The following GIPR variants were observed in gnomAD, a reference collection of about 807,000 sequenced individuals.
The protein encoded by GIPR is GIP-R.
A neutral mutation model predicts 62.2 loss-of-function variants in GIPR; 74 were observed. The ratio of observed to expected loss-of-function variants is 1.19; its 90% CI spans 0.99 to 1.44. GIPR has a LOEUF of 1.44. Ranked by LOEUF, GIPR falls within the 40% of genes most tolerant of loss-of-function variation. The pLI is 0.00. For synonymous variants in GIPR, 256 were observed against 262.2 expected (o/e 0.98, Z 0.23); for missense variants, 664 against 611.8 (o/e 1.09, Z -0.90).
intron 3 of GIPR, 110 bp from the exon 4 acceptor site, chr19:45,671,175 C>A (rs1019464995): frequency 1.3e-6 from 1 of 753,104 alleles, no homozygotes; most frequent in Non-Finnish European, 2.4e-6. Context: ...GTGTGGCCGG[C>A]GGAGAAGCAC....
rs754923594 is a variant in GIPR at position 45,677,358 on chromosome 19, G to C, written c.829G>C (p.Val277Leu). The C allele has an allele frequency of 1.9e-6, 3 of 1,601,902 alleles. No homozygotes were observed. The highest frequency in any genetic ancestry group is 2.6e-6 in the Non-Finnish European group (3 of 1,171,762). Residue 277 changes from valine to leucine, a missense_variant, in exon 9 of 14, where the codon GTC (valine) becomes CTC (leucine). Val to Leu is a conservative substitution (Grantham distance 32). Coordinates refer to ENST00000590918, the MANE Select transcript of GIPR (RefSeq NM_000164.4). ...PALFVIPWVIVRYLYENTQCW... is the reference protein window; with the variant it reads ...PALFVIPWVILRYLYENTQCW... Reference sequence around the variant, plus strand: ...GCTTTTCGTCATTCCCTGGGTGATCGTCAGGTACCTGTACGAGAACACGCA... The same window carrying C: ...GCTTTTCGTCATTCCCTGGGTGATCCTCAGGTACCTGTACGAGAACACGCA...
At chr19:45,674,475 G>A in intron 6 of GIPR, 1 of 635,872 alleles carries the variant, frequency 1.6e-6, no homozygotes, top group Non-Finnish European at 2.8e-6. Flanking sequence ...CATACTGGTG[G>A]TGCACCTGTG....
chr19:45,678,266 G>A (rs1302631390), intron 12 of GIPR, 40 bp downstream of exon 12: 1 of 1,542,646 alleles, frequency 6.5e-7, no homozygotes, highest in African/African-American at 1.4e-5. Flanking sequence ...CTTCCACCCA[G>A]GGCCTCCTCC....
At position 45,670,726 on chromosome 19, in the gene GIPR, C is replaced by A; in HGVS notation, c.164C>A (p.Pro55Gln). The change falls in exon 3 of 14, where the codon CCG becomes CAG. Residue 55 changes from proline to glutamine, a missense_variant. Coordinates refer to ENST00000590918, the MANE Select transcript of GIPR (RefSeq NM_000164.4). ...ECQETLAAAE[P>Q]PSGLACNGSF... ...CAGGAGACCTTGGCAGCCGCGGAACCGCCTTCAGGTGTGACCAGGAGGGCT... is the reference window on the plus strand; with the variant it reads ...CAGGAGACCTTGGCAGCCGCGGAACAGCCTTCAGGTGTGACCAGGAGGGCT... 6.2e-7 allele frequency: 1 copy of A among 1,601,924 alleles called. No individual in the cohort carries two copies. Among genetic ancestry groups the A allele is most frequent in the South Asian group, 1.1e-5 (1 of 89,324 alleles).
In GIPR at chr19:45,674,081, G is replaced by T. The variant is rs1568520474; in HGVS notation, c.392G>T (p.Arg131Met). Residue 131 changes from arginine to methionine, a missense_variant, in exon 6 of 14, where the codon AGG becomes ATG. Physicochemically the swap from Arg to Met is moderately conservative, Grantham distance 91. Transcript: ENST00000590918. ...PEKNEAFLDQ[R>M]LILERLQVMY... ...CCTTCTTGCCCCGACCAGGACCAAA[G>T]GCTCATCTTGGAGCGGTTGCAGGTC... is the stretch of plus-strand genomic sequence containing the variant. The T allele has an allele frequency of 3.7e-6, 6 of 1,608,072 alleles. No individual in the cohort carries two copies. The highest frequency in any genetic ancestry group is 5.1e-6 in the Non-Finnish European group (6 of 1,174,534).
chr19:45,677,696 T>C lies in GIPR; in HGVS notation c.855-14T>C, dbSNP rs1967022898. 2 of 1,607,670 alleles carry C rather than the reference T, an allele frequency of 1.2e-6. No individual in the cohort carries two copies. Among genetic ancestry groups the C allele is most frequent in the Non-Finnish European group, 1.7e-6 (2 of 1,174,180 alleles). On this transcript the variant is annotated splice_polypyrimidine_tract_variant and intron_variant, in intron 9 of 13. Transcript: ENST00000590918. Reference sequence around the variant, plus strand: ...GAGTTTTTCTATCTCTTAGCTCTACTCCGCCTTCCCCAGGTGCTGGGAGCG... The same window carrying C: ...GAGTTTTTCTATCTCTTAGCTCTACCCCGCCTTCCCCAGGTGCTGGGAGCG...
intron 4 of GIPR, 189 bp from the exon 5 acceptor site, chr19:45,672,662 T>A: frequency 1.7e-6 from 1 of 591,134 alleles, no homozygotes; most frequent in Non-Finnish European, 3.1e-6. Flanking sequence ...ATATTACTAA[T>A]TCCATGGGCT....
At chr19:45,670,475 C>G in intron 2 of GIPR, 160 bp from the exon 3 acceptor site, 3 of 555,294 alleles carry the variant, frequency 5.4e-6, no homozygotes, top group Middle Eastern at 5.9e-4. Flanking sequence ...TCCAGGCACC[C>G]CACCCCAAGA....
chr19:45,675,237 G>A (rs764132481), intron 7 of GIPR: 18 of 245,036 alleles, frequency 7.3e-5, no homozygotes, highest in Non-Finnish European at 1.0e-4. Context: ...GGGAGCAGAC[G>A]TGGTAAGAAC....
chr19:45,677,877 G>T, intron 10 of GIPR, 29 bp from the exon 11 acceptor site: 1 of 1,607,936 alleles, frequency 6.2e-7, no homozygotes, highest in Non-Finnish European at 8.5e-7. Context: ...TGGGATCGCG[G>T]CTGGCTCAGC....
At position 45,682,703 on chromosome 19, in the gene GIPR, T is replaced by C. The variant is rs1003326638; in HGVS notation, c.*768T>C. On this transcript the variant is annotated 3_prime_UTR_variant, in exon 14 of 14. Transcript: ENST00000590918. ...GGATTACAGGCACCGCCACCATGCC[T>C]GGCTAATTTTTGCATTTTCAGTAGA... The C allele has an allele frequency of 1.3e-5, 2 of 151,854 alleles. No homozygotes were observed. The highest frequency in any genetic ancestry group is 4.8e-5 in the African/African-American group (2 of 41,278). The allele number at this position is 151,854 out of a possible 1,614,324, so 9.4% of individuals were successfully genotyped here.
chr19:45,677,465 C>A, intron 9 of GIPR, 82 bp downstream of exon 9: 1 of 1,045,744 alleles, frequency 9.6e-7, no homozygotes, highest in Non-Finnish European at 1.5e-6. Context: ...GACATGTGGG[C>A]AGGGTCGGAA....
rs1036040062 is a variant in GIPR at position 45,682,052 on chromosome 19, G to C, written c.*117G>C. 1 of 876,484 alleles carries C rather than the reference G, an allele frequency of 1.1e-6. No individual in the cohort carries two copies. The highest frequency in any genetic ancestry group is 1.7e-5 in the African/African-American group (1 of 59,254). 54.3% of individuals were successfully genotyped at this position (876,484 alleles called of 1,614,324 possible). On this transcript the variant is annotated 3_prime_UTR_variant, in exon 14 of 14. Coordinates refer to ENST00000590918, the MANE Select transcript of GIPR (RefSeq NM_000164.4). The stretch of plus-strand genomic sequence containing the variant: ...TGAAGGAAACAGAAAAAAGGTCCCT[G>C]CCCTTCTGGAGATGACAACTGAGTG...
At chr19:45,678,899 G>A (rs193282716) in intron 12 of GIPR, among the ~76,000 whole-genome samples, 21 of 152,278 alleles carry the variant, frequency 1.4e-4, no homozygotes, top group African/African-American at 4.8e-4. Flanking sequence ...AGGTGCCAAC[G>A]TGCAGAATCT....
chr19:45,680,192 T>C (rs917269717), intron 12 of GIPR, among the ~76,000 whole-genome samples: 2 of 152,120 alleles, frequency 1.3e-5, no homozygotes, highest in Non-Finnish European at 2.9e-5. Context: ...AGAAACCCTG[T>C]CTCTACTTAA....
rs1568531741 is a variant in GIPR at position 45,683,423 on chromosome 19, GGGAGAATGAGGGGGCATGCTGACA to G, written c.*1490_*1513del. 1 of 152,234 alleles carries G rather than the reference GGGAGAATGAGGGGGCATGCTGACA, an allele frequency of 6.6e-6. No individual in the cohort carries two copies. The highest frequency in any genetic ancestry group is 1.5e-5 in the Non-Finnish European group (1 of 68,078). The allele number at this position is 152,234 out of a possible 1,614,324, so 9.4% of individuals were successfully genotyped here. A position where few individuals can be genotyped will look rare whatever the true frequency, so the allele number is the denominator to read the frequency against. ...CTTAGATGGGTGGCCCCTGGAACCT[GGGAGAATGAGGGGGCATGCTGACA>G]GTCTCATTGTGGCTGGACCACCTGT... On this transcript the variant is annotated 3_prime_UTR_variant, in exon 14 of 14. Transcript: ENST00000590918.
intron 3 of GIPR, among the ~76,000 whole-genome samples, chr19:45,671,001 G>C (rs1975507909): frequency 6.6e-6 from 1 of 151,502 alleles, no homozygotes; most frequent in Non-Finnish European, 1.5e-5. Flanking sequence ...TGGAGACTGG[G>C]AAGGGCCCTT....
Position 45,681,974 on chromosome 19 carries a change from T to C in GIPR, c.*39T>C, listed in dbSNP as rs368501821. The C allele has an allele frequency of 2.9e-4, 433 of 1,497,612 alleles. No individual in the cohort carries two copies. The highest frequency in any genetic ancestry group is 3.6e-4 in the Non-Finnish European group (400 of 1,098,124). 92.8% of individuals were successfully genotyped at this position (1,497,612 alleles called of 1,614,324 possible). On this transcript the variant is annotated 3_prime_UTR_variant, in exon 14 of 14. Transcript: ENST00000590918. ...CGTGTCTGTTCAGTTAGCATGGATT[T>C]ATTGAGTGCCAACTGCGTGCCAGGC...
intron 9 of GIPR, 131 bp downstream of exon 9, chr19:45,677,514 G>C: frequency 2.5e-6 from 2 of 801,526 alleles, no homozygotes; most frequent in Non-Finnish European, 4.2e-6. Flanking sequence ...GGGATCCGAA[G>C]TAATGGGGAG....
Sources: allele counts gnomAD v4.1 joint callset (sites outside exome capture counted in the v4.1 genomes callset), GRCh38; gene constraint gnomAD v4.1.1; transcripts MANE v1.5; gene names NCBI Gene and HGNC (gene_info 2026-07-23, HGNC 2026-07-21).